Variants in RAB40B observed in about 807,000 individuals in gnomAD.
RAB40B encodes RAB40B, member RAS oncogene family, also known as ras-related protein Rab-40B.
A neutral mutation model predicts 24.0 loss-of-function variants in RAB40B; 21 were observed. That is an observed-to-expected ratio of 0.88 (90% confidence interval 0.62 to 1.26). The LOEUF (loss-of-function observed/expected upper bound fraction) is 1.26, where lower values mean the gene tolerates loss of function less well. Among genes scored for constraint, RAB40B ranks in the 50% most tolerant of loss-of-function variants. The pLI is 0.00. For missense variants in RAB40B, 348 were observed against 390.5 expected (o/e 0.89, Z 0.92); for synonymous variants, 167 against 169.8 (o/e 0.98, Z 0.13).
rs1454982600 is a variant in RAB40B, at chr17:82,657,653, C to T, written c.*210G>A. 1.4e-6 allele frequency: 1 copy of T among 701,642 alleles called. No individual in the cohort carries two copies. Among genetic ancestry groups the T allele is most frequent in the Admixed American group, 2.0e-5 (1 of 49,768 alleles). The allele number at this position is 701,642 out of a possible 1,614,324, so 43.5% of individuals were successfully genotyped here. ...AGAGTACTAATTTTCCCTTTACAAACACACATCGAAAACAAGAGCTTCATG... is the reference window on the plus strand; with the variant it reads ...AGAGTACTAATTTTCCCTTTACAAATACACATCGAAAACAAGAGCTTCATG... On this transcript the variant is annotated 3_prime_UTR_variant, in exon 6 of 6. Transcript: ENST00000571995.
chr17:82,673,204 C>CA (rs147338519), intron 1 of RAB40B, among the ~76,000 whole-genome samples: 8,091 of 148,968 alleles, frequency 0.054, 765 homozygotes, highest in African/African-American at 0.19. Context: ...ACTCTTGTCT[C>CA]AAAAAAAAAA....
At chr17:82,660,013 C>G (rs1474221988) in intron 3 of RAB40B, among the ~76,000 whole-genome samples, 1 of 152,252 alleles carries the variant, frequency 6.6e-6, no homozygotes, top group Admixed American at 6.5e-5. Flanking sequence ...AGCTCACGCA[C>G]ACACAGGCAC....
intron 1 of RAB40B, among the ~76,000 whole-genome samples, chr17:82,684,766 T>C (rs1598313557): frequency 6.6e-6 from 1 of 152,068 alleles, no homozygotes. Flanking sequence ...TTCTGCGTGG[T>C]GGAGGTGTTC....
chr17:82,679,257 C>CTTATTA lies in RAB40B; in HGVS notation c.143-14707_143-14702dup, dbSNP rs542700983. Among the ~76,000 whole-genome samples, 65 of 150,226 alleles carry CTTATTA rather than the reference C, an allele frequency of 4.3e-4. 1 individual carries two copies. Among genetic ancestry groups the CTTATTA allele is most frequent in the African/African-American group, 1.5e-3 (61 of 40,896 alleles). On this transcript the variant is annotated intron_variant, in intron 1 of 5. Transcript: ENST00000571995. ...CGGTAGCCTGAAGGACACCACAAGC[C>CTTATTA]TTATTATTATTATTATTATTATTTT...
At chr17:82,695,149 T>C (rs2046595401) in intron 1 of RAB40B, among the ~76,000 whole-genome samples, 1 of 151,014 alleles carries the variant, frequency 6.6e-6, no homozygotes. Flanking sequence ...TGGAGGGAAA[T>C]GGAGTGTGGA....
chr17:82,668,177 T>A (rs2046281160), intron 1 of RAB40B: 1 of 154,678 alleles, frequency 6.5e-6, no homozygotes, highest in Non-Finnish European at 1.5e-5. Flanking sequence ...AGGGTAGCTC[T>A]CCGCAGCTGG....
At chr17:82,694,342 C>T in intron 1 of RAB40B, among the ~76,000 whole-genome samples, 1 of 151,040 alleles carries the variant, frequency 6.6e-6, no homozygotes, top group African/African-American at 2.5e-5. Context: ...CCACCCTGGC[C>T]AACATGGAAA....
chr17:82,657,776 C>T lies in RAB40B; in HGVS notation c.*87G>A, dbSNP rs774102898. On this transcript the variant is annotated 3_prime_UTR_variant, in exon 6 of 6. Transcript: ENST00000571995. Reference sequence around the variant, plus strand: ...GCAAGCAGCATTCGCCGAGAGGAACCGGGATCTGAGATGCATCCACCAGCT... The same window carrying T: ...GCAAGCAGCATTCGCCGAGAGGAACTGGGATCTGAGATGCATCCACCAGCT... 11 of 1,472,152 alleles carry T rather than the reference C, an allele frequency of 7.5e-6. No individual in the cohort carries two copies. The highest frequency in any genetic ancestry group is 4.5e-5 in the East Asian group (2 of 44,152). The allele number at this position is 1,472,152 out of a possible 1,614,324, so 91.2% of individuals were successfully genotyped here. A position where few individuals can be genotyped will look rare whatever the true frequency, so the allele number is the denominator to read the frequency against.
At position 82,664,547 on chromosome 17, in the gene RAB40B, T is replaced by C. The variant is rs1260465690; in HGVS notation, c.152A>G (p.Tyr51Cys). The C allele has an allele frequency of 7.4e-6, 12 of 1,613,488 alleles. No individual in the cohort carries two copies. Among genetic ancestry groups the C allele is most frequent in the Middle Eastern group, 1.6e-4 (1 of 6,074 alleles). ...GTCCAGCAGGATGGTGGTCGTCTTG[T>C]AGTCGATGCCTGCGGAAGGGTTAGA... ...SPYGHPAGID[Y>C]KTTTILLDGR... Residue 51 changes from tyrosine (Y) to cysteine (C), a missense_variant, in exon 2 of 6, where the codon TAC (tyrosine) becomes TGC (cysteine). Transcript: ENST00000571995.
chr17:82,672,494 T>C (rs1325902455), intron 1 of RAB40B, among the ~76,000 whole-genome samples: 2 of 152,250 alleles, frequency 1.3e-5, no homozygotes, highest in Non-Finnish European at 2.9e-5. Flanking sequence ...TTTGAATGTG[T>C]CCGCTAAACT....
rs1598289475 is a variant in RAB40B, at chr17:82,656,625, C to T, written c.*1238G>A. ...CCTTTCTCAACAGGCGACAACAGTTCAAGGATTCAGCCTTGTTGCCAGTGT... is the reference window on the plus strand; with the variant it reads ...CCTTTCTCAACAGGCGACAACAGTTTAAGGATTCAGCCTTGTTGCCAGTGT... On this transcript the variant is annotated 3_prime_UTR_variant, in exon 6 of 6. Coordinates refer to ENST00000571995, the MANE Select transcript of RAB40B (RefSeq NM_006822.3). 1 of 152,386 alleles carries T rather than the reference C, an allele frequency of 6.6e-6. No individual in the cohort carries two copies. The highest frequency in any genetic ancestry group is 2.1e-4 in the South Asian group (1 of 4,824). 9.4% of individuals were successfully genotyped at this position (152,386 alleles called of 1,614,324 possible). A position where few individuals can be genotyped will look rare whatever the true frequency, so the allele number is the denominator to read the frequency against.
At chr17:82,661,296 C>T in intron 2 of RAB40B, 2 of 1,273,158 alleles carry the variant, frequency 1.6e-6, no homozygotes, top group Non-Finnish European at 2.0e-6. Context: ...ACGGTTTTAA[C>T]ATAATTCTCA....
intron 1 of RAB40B, among the ~76,000 whole-genome samples, chr17:82,669,909 C>G (rs1435260403): frequency 6.6e-6 from 1 of 152,208 alleles, no homozygotes; most frequent in Non-Finnish European, 1.5e-5. Context: ...TACATATTTG[C>G]TCCATAATAG....
rs1029364061 is a variant in RAB40B, at chr17:82,692,688, G to A, written c.142+5767C>T. 6.6e-6 allele frequency among the ~76,000 whole-genome samples: 1 copy of A among 152,184 alleles called. No homozygotes were observed. Among genetic ancestry groups the A allele is most frequent in the African/African-American group, 2.4e-5 (1 of 41,430 alleles). On this transcript the variant is annotated intron_variant, in intron 1 of 5. Coordinates refer to ENST00000571995, the MANE Select transcript of RAB40B (RefSeq NM_006822.3). The surrounding 1 kb of genome is among the most constrained non-coding windows in gnomAD (Gnocchi z 4.0). ...CAGCCATTCATGTCAAAGGTAAAAC[G>A]ATGCTTGTAGAGAACATTTTTTTTT... is the stretch of plus-strand genomic sequence containing the variant.
intron 1 of RAB40B, among the ~76,000 whole-genome samples, chr17:82,685,337 C>CCTCAACTGTGGCCGTGCA (rs1439560567): frequency 4.7e-5 from 7 of 148,498 alleles, no homozygotes; most frequent in African/African-American, 1.8e-4. Flanking sequence ...ACGCAGTGGT[C>CCTCAACTGTGGCCGTGCA]CTCAACTGTG....
rs958770358 is a variant in RAB40B, at chr17:82,667,160, A to G, written c.143-2604T>C. Among the ~76,000 whole-genome samples, 6 of 152,240 alleles carry G rather than the reference A, an allele frequency of 3.9e-5. No individual in the cohort carries two copies. The highest frequency in any genetic ancestry group is 2.0e-4 in the Admixed American group (3 of 15,290). ...GAGGCTGCGGAGGCCACGGTTCTCAAGCAGCTTCTGCCCCCTCGAAGGGTC... is the reference window on the plus strand; with the variant it reads ...GAGGCTGCGGAGGCCACGGTTCTCAGGCAGCTTCTGCCCCCTCGAAGGGTC... On this transcript the variant is annotated intron_variant, in intron 1 of 5. Coordinates refer to ENST00000571995, the MANE Select transcript of RAB40B (RefSeq NM_006822.3). The surrounding 1 kb of genome is among the most constrained non-coding windows in gnomAD (Gnocchi z 4.3).
intron 1 of RAB40B, among the ~76,000 whole-genome samples, chr17:82,689,690 C>T (rs1170059419): frequency 6.6e-6 from 1 of 152,146 alleles, no homozygotes; most frequent in Non-Finnish European, 1.5e-5. Flanking sequence ...AGAAAACTGG[C>T]CGGGCACGTG....
At chr17:82,686,725 ATC>A (rs565550416) in intron 1 of RAB40B, among the ~76,000 whole-genome samples, 1 of 152,152 alleles carries the variant, frequency 6.6e-6, no homozygotes, top group Non-Finnish European at 1.5e-5. Context: ...GAGAGAATAA[ATC>A]TCTGTTTCAA....
Position 82,664,553 on chromosome 17 carries a change from A to T in RAB40B, c.146T>A (p.Ile49Asn). ...AESPYGHPAG[I>N]DYKTTTILLD... is the part of the protein sequence containing the mutation. ...CAGGATGGTGGTCGTCTTGTAGTCG[A>T]TGCCTGCGGAAGGGTTAGAGACGGC... Residue 49 changes from isoleucine (I) to asparagine (N), a missense_variant, in exon 2 of 6, where the codon ATC becomes AAC. Ile to Asn is a moderately radical substitution (Grantham distance 149). Transcript: ENST00000571995. 1 of 1,613,576 alleles carries T rather than the reference A, an allele frequency of 6.2e-7. No homozygotes were observed. The highest frequency in any genetic ancestry group is 1.1e-5 in the South Asian group (1 of 91,088).
Sources: gnomAD v4.1 joint callset for allele counts (sites outside exome capture counted in the v4.1 genomes callset) on GRCh38, gnomAD v4.1.1 for gene constraint, Gnocchi (gnomAD v3.1) non-coding constraint, MANE v1.5 for transcripts, NCBI Gene and HGNC (gene_info 2026-07-23, HGNC 2026-07-21) for gene names.